Variants in CTNNA3 observed in about 807,000 individuals in gnomAD.
The protein encoded by CTNNA3 is catenin alpha-3.
In CTNNA3, 76 loss-of-function variants were observed where a neutral mutation model predicts 95.7. That is an observed-to-expected ratio of 0.79 (90% CI 0.66 to 0.96). CTNNA3 has a LOEUF of 0.96. Among genes scored for constraint, CTNNA3 ranks in the 40% least tolerant of loss-of-function variants. The pLI, the probability that CTNNA3 is intolerant of heterozygous loss-of-function variation, is 0.00. For synonymous variants in CTNNA3, 431 were observed against 374.4 expected, an observed-to-expected ratio of 1.15 and a Z score of -1.74; for missense variants, 1,191 against 1,089.8, an observed-to-expected ratio of 1.09 and a Z score of -1.31.
intron 11 of CTNNA3, among the ~76,000 whole-genome samples, chr10:66,497,122 C>T (rs1383305244): frequency 1.3e-5 from 2 of 152,028 alleles, no homozygotes; most frequent in African/African-American, 4.8e-5. Flanking sequence ...CAGTCACATT[C>T]TGAGTTACAG....
intron 7 of CTNNA3, among the ~76,000 whole-genome samples, chr10:67,180,004 A>G (rs1374917555): frequency 1.3e-5 from 2 of 151,946 alleles, no homozygotes; most frequent in South Asian, 4.2e-4. Context: ...TCTTCTTTAT[A>G]TTTCTTAAAT....
rs138190454 is a variant in CTNNA3 at position 66,035,042 on chromosome 10, T to C, written c.2159+34266A>G. Among the ~76,000 whole-genome samples, 450 of 152,264 alleles carry C rather than the reference T, an allele frequency of 3.0e-3. 1 individual carries two copies. Among genetic ancestry groups the C allele is most frequent in the African/African-American group, 9.9e-3 (412 of 41,552 alleles). On this transcript the variant is annotated intron_variant, in intron 15 of 17. Transcript: ENST00000433211. ...CAGCGTGCAGTGTTTGGGGCATTCA[T>C]TTTTATGTTTGAATCTCAGTGCTAT...
At chr10:66,804,429 T>C (rs1040702119) in intron 7 of CTNNA3, among the ~76,000 whole-genome samples, 9 of 151,976 alleles carry the variant, frequency 5.9e-5, no homozygotes, top group Non-Finnish European at 1.3e-4. Flanking sequence ...AACTCTCTGT[T>C]CTGCTTTCCT....
chr10:67,225,249 C>T (rs189414421), intron 5 of CTNNA3, among the ~76,000 whole-genome samples: 23 of 152,290 alleles, frequency 1.5e-4, no homozygotes, highest in Admixed American at 1.2e-3. Flanking sequence ...AGCTCAGACA[C>T]GCCTAGCTCT....
chr10:67,551,115 A>G (rs1841013942), intron 3 of CTNNA3, among the ~76,000 whole-genome samples: 1 of 152,086 alleles, frequency 6.6e-6, no homozygotes, highest in Admixed American at 6.6e-5. Context: ...GCCACTCCCC[A>G]GTCCTGTGCC....
chr10:67,595,948 C>A (rs1842921643), intron 3 of CTNNA3, among the ~76,000 whole-genome samples: 1 of 152,098 alleles, frequency 6.6e-6, no homozygotes, highest in South Asian at 2.1e-4. Flanking sequence ...AAAATATCAA[C>A]CTCAGCTCTT....
At chr10:67,246,659 G>C (rs1865920781) in intron 5 of CTNNA3, among the ~76,000 whole-genome samples, 1 of 152,130 alleles carries the variant, frequency 6.6e-6, no homozygotes, top group African/African-American at 2.4e-5. Context: ...AACTGATTCA[G>C]AGTTACTACA....
intron 11 of CTNNA3, among the ~76,000 whole-genome samples, chr10:66,425,864 G>A (rs1215137354): frequency 2.6e-5 from 4 of 151,938 alleles, no homozygotes; most frequent in Non-Finnish European, 5.9e-5. Flanking sequence ...AACATTACCA[G>A]CTCCCCAGAA....
intron 7 of CTNNA3, among the ~76,000 whole-genome samples, chr10:67,002,244 C>T (rs947071408): frequency 1.4e-4 from 22 of 152,104 alleles, no homozygotes; most frequent in Non-Finnish European, 4.4e-5. Context: ...TATTTCTTAT[C>T]TATAATATTC....
At chr10:67,447,744 T>C (rs1486133776) in intron 5 of CTNNA3, among the ~76,000 whole-genome samples, 1 of 152,144 alleles carries the variant, frequency 6.6e-6, no homozygotes, top group African/African-American at 2.4e-5. Context: ...AACTGCTTGA[T>C]GTGTATGTGT....
At chr10:66,576,483 A>G (rs1015609451) in intron 10 of CTNNA3, among the ~76,000 whole-genome samples, 2 of 150,840 alleles carry the variant, frequency 1.3e-5, no homozygotes, top group African/African-American at 4.9e-5. Flanking sequence ...CCCCCCCACC[A>G]CCCTCCCCAA....
In CTNNA3 at chr10:65,914,599, C is replaced by T. The variant is rs1234345853; in HGVS notation, c.*5731G>A. 1.3e-5 allele frequency: 2 copies of T among 152,098 alleles called. No homozygotes were observed. Among genetic ancestry groups the T allele is most frequent in the Non-Finnish European group, 2.9e-5 (2 of 68,010 alleles). 9.4% of individuals were successfully genotyped at this position (152,098 alleles called of 1,614,324 possible). On this transcript the variant is annotated 3_prime_UTR_variant, in exon 18 of 18. Coordinates refer to ENST00000433211, the MANE Select transcript of CTNNA3 (RefSeq NM_013266.4). The stretch of plus-strand genomic sequence containing the variant: ...GGAAACTTTATCCTACTACAATAAT[C>T]CTTGGCCAACACTCTGCTGCAATCT...
At chr10:66,506,952 C>G (rs1840469373) in intron 11 of CTNNA3, among the ~76,000 whole-genome samples, 1 of 151,828 alleles carries the variant, frequency 6.6e-6, no homozygotes, top group African/African-American at 2.4e-5. Flanking sequence ...ATCTTTTATC[C>G]CAACTCCTAT....
chr10:66,760,981 A>G (rs563793391), intron 9 of CTNNA3, among the ~76,000 whole-genome samples: 1 of 152,084 alleles, frequency 6.6e-6, no homozygotes, highest in Non-Finnish European at 1.5e-5. Flanking sequence ...TTTTTCTTTT[A>G]TATTTTTTTG....
intron 14 of CTNNA3, among the ~76,000 whole-genome samples, chr10:66,073,362 C>T (rs145133222): frequency 2.0e-4 from 30 of 152,238 alleles, no homozygotes; most frequent in African/African-American, 3.4e-4. Context: ...AGGTCAGCTA[C>T]GCTACTTTCA....
At chr10:67,085,194 A>T (rs889877826) in intron 7 of CTNNA3, among the ~76,000 whole-genome samples, 5 of 151,906 alleles carry the variant, frequency 3.3e-5, no homozygotes, top group African/African-American at 7.2e-5. Flanking sequence ...TATGTAGTTT[A>T]TTTTTTAACT....
At chr10:66,538,419 C>A (rs1029313341) in intron 10 of CTNNA3, among the ~76,000 whole-genome samples, 1 of 152,060 alleles carries the variant, frequency 6.6e-6, no homozygotes, top group African/African-American at 2.4e-5. Context: ...TGTAAATCTG[C>A]TGTTAGGTGC....
intron 5 of CTNNA3, among the ~76,000 whole-genome samples, chr10:67,378,617 G>A (rs1843789527): frequency 6.6e-6 from 1 of 152,058 alleles, no homozygotes; most frequent in Non-Finnish European, 1.5e-5. Flanking sequence ...GACATGTTTG[G>A]AAAGTCCCTC....
At chr10:67,392,589 A>G (rs1228731635) in intron 5 of CTNNA3, among the ~76,000 whole-genome samples, 1 of 152,230 alleles carries the variant, frequency 6.6e-6, no homozygotes, top group Non-Finnish European at 1.5e-5. Context: ...TCATGCTGCT[A>G]TAAAGACGCA....
Sources: allele counts gnomAD v4.1 joint callset (sites outside exome capture counted in the v4.1 genomes callset), GRCh38; gene constraint gnomAD v4.1.1; transcripts MANE v1.5; gene names NCBI Gene and HGNC (gene_info 2026-07-23, HGNC 2026-07-21).